Variants in ARHGAP8 observed in about 807,000 individuals in gnomAD.
The protein encoded by ARHGAP8 is Rho GTPase activating protein 8, also known as rho GTPase-activating protein 8.
ARHGAP8 carries 62 observed loss-of-function variants against 46.1 expected under a neutral mutation model. The observed-to-expected ratio is 1.34, with a 90% CI of 1.10 to 1.66. ARHGAP8 has a LOEUF of 1.66. Ranked by LOEUF, ARHGAP8 falls within the 40% of genes most tolerant of loss-of-function variation. The pLI, the probability that ARHGAP8 is intolerant of heterozygous loss-of-function variation, is 0.00. For missense variants in ARHGAP8, 923 were observed against 568.4 expected, an observed-to-expected ratio of 1.62 and a Z score of -6.34; for synonymous variants, 375 against 243.1, an observed-to-expected ratio of 1.54 and a Z score of -5.05.
intron 2 of ARHGAP8, among the ~76,000 whole-genome samples, chr22:44,797,702 C>T: frequency 6.6e-6 from 1 of 152,232 alleles, no homozygotes; most frequent in East Asian, 1.9e-4. Context: ...AAAGACAGCC[C>T]CCTGGCCAGG....
At chr22:44,755,285 GC>G (rs999272773) in intron 1 of ARHGAP8, among the ~76,000 whole-genome samples, 3 of 152,248 alleles carry the variant, frequency 2.0e-5, no homozygotes, top group African/African-American at 7.2e-5. Context: ...ACCTCCCTGG[GC>G]ACTGAGGTGT....
At position 44,768,825 on chromosome 22, in the gene ARHGAP8, T is replaced by C. The variant is rs568345112; in HGVS notation, c.-72+16198T>C. Among the ~76,000 whole-genome samples the C allele has an allele frequency of 1.7e-4, 25 of 150,230 alleles. No homozygotes were observed. In the South Asian group the frequency reaches 5.1e-3, roughly 31 times the overall value. Reference sequence around the variant, plus strand: ...GTGGTGGCTGCCAGAGTCCCTGTCGTGGAGGTGTGTTTTTCTTTTTTTTTT... The same window carrying C: ...GTGGTGGCTGCCAGAGTCCCTGTCGCGGAGGTGTGTTTTTCTTTTTTTTTT... On this transcript the variant is annotated intron_variant, in intron 1 of 11. Transcript: ENST00000356099.
intron 10 of ARHGAP8, among the ~76,000 whole-genome samples, chr22:44,851,670 C>T (rs2070097458): frequency 1.3e-5 from 2 of 152,084 alleles, no homozygotes. Context: ...GAGACCCCAT[C>T]TCTACAAAAG....
At chr22:44,774,843 G>A (rs1050834835) in intron 1 of ARHGAP8, among the ~76,000 whole-genome samples, 10 of 151,346 alleles carry the variant, frequency 6.6e-5, no homozygotes, top group East Asian at 3.9e-4. Context: ...GGGTGGGGGC[G>A]GGGGGCGGAT....
intron 7 of ARHGAP8, among the ~76,000 whole-genome samples, chr22:44,830,990 C>T (rs949070590): frequency 3.3e-5 from 5 of 152,152 alleles, no homozygotes; most frequent in African/African-American, 9.7e-5. Context: ...TGTATATTCA[C>T]TAGATCGTTT....
At chr22:44,829,118 C>CAAAAAAAAA (rs57906111) in intron 7 of ARHGAP8, among the ~76,000 whole-genome samples, 8 of 49,358 alleles carry the variant, frequency 1.6e-4, no homozygotes, top group African/African-American at 3.7e-4. Flanking sequence ...ACTAAAAATA[C>CAAAAAAAAA]AAAAAAAAAA....
chr22:44,852,478 T>C (rs1280632962), intron 10 of ARHGAP8, among the ~76,000 whole-genome samples: 1 of 152,052 alleles, frequency 6.6e-6, no homozygotes, highest in African/African-American at 2.4e-5. Flanking sequence ...CTCAATAACA[T>C]ATTCAGCATG....
intron 3 of ARHGAP8, among the ~76,000 whole-genome samples, chr22:44,806,725 C>A (rs1029607640): frequency 2.0e-5 from 3 of 151,886 alleles, no homozygotes; most frequent in Admixed American, 6.6e-5. Context: ...GAGGCCGAGG[C>A]GGGTGGATCA....
chr22:44,756,026 T>C (rs1177245952), intron 1 of ARHGAP8, among the ~76,000 whole-genome samples: 3 of 152,200 alleles, frequency 2.0e-5, no homozygotes, highest in African/African-American at 4.8e-5. Flanking sequence ...TCTCCTGACC[T>C]TGGGGGAAGA....
intron 10 of ARHGAP8, 158 bp from the exon 11 acceptor site, chr22:44,859,573 G>A: frequency 1.4e-6 from 1 of 704,528 alleles, no homozygotes; most frequent in South Asian, 1.7e-5. Context: ...GCTGAGCAGA[G>A]CCATACGGCC....
At chr22:44,753,704 C>T (rs1002890339) in intron 1 of ARHGAP8, among the ~76,000 whole-genome samples, 2 of 152,028 alleles carry the variant, frequency 1.3e-5, no homozygotes, top group African/African-American at 4.8e-5. Flanking sequence ...GTGAAGGCCC[C>T]GGAGAAGGAA....
chr22:44,810,798 G>A (rs1281472390), intron 4 of ARHGAP8, among the ~76,000 whole-genome samples: 2 of 152,116 alleles, frequency 1.3e-5, no homozygotes, highest in South Asian at 2.1e-4. Flanking sequence ...GGGTTCCCGT[G>A]GGGAGCCGTG....
chr22:44,860,943 A>C (rs532564775), intron 11 of ARHGAP8, among the ~76,000 whole-genome samples: 4 of 151,786 alleles, frequency 2.6e-5, no homozygotes, highest in South Asian at 2.1e-4. Flanking sequence ...TTTTACAACA[A>C]TTTTTTTTCT....
intron 10 of ARHGAP8, among the ~76,000 whole-genome samples, chr22:44,857,551 G>A (rs1252993066): frequency 6.6e-6 from 1 of 152,224 alleles, no homozygotes; most frequent in African/African-American, 2.4e-5. Context: ...CTGATGCCAG[G>A]TTGGAAGAAG....
At chr22:44,822,343 C>T (rs136662) in intron 5 of ARHGAP8, 28 bp from the exon 6 acceptor site, 1,507,678 of 1,573,706 alleles carry the variant, frequency 0.96, 722,608 homozygotes, top group African/African-American at 0.97. Flanking sequence ...CCTAATCGTT[C>T]TTTATTCTCT....
At chr22:44,861,191 T>A (rs1466591648) in intron 11 of ARHGAP8, among the ~76,000 whole-genome samples, 1 of 152,128 alleles carries the variant, frequency 6.6e-6, no homozygotes, top group African/African-American at 2.4e-5. Context: ...AGGCTGATCT[T>A]GAACTCCTGA....
At chr22:44,851,727 C>A (rs1187341636) in intron 10 of ARHGAP8, among the ~76,000 whole-genome samples, 2 of 152,086 alleles carry the variant, frequency 1.3e-5, no homozygotes, top group Non-Finnish European at 2.9e-5. Flanking sequence ...GTAGTCCCAG[C>A]TGCTCAGGAG....
In ARHGAP8 at chr22:44,820,626, C is replaced by G. The variant is rs114505066; in HGVS notation, c.387-1745C>G. 4.1e-3 allele frequency among the ~76,000 whole-genome samples: 623 copies of G among 152,260 alleles called. 3 individuals are homozygous for G. Among genetic ancestry groups the G allele is most frequent in the African/African-American group, 0.013 (558 of 41,552 alleles). On this transcript the variant is annotated intron_variant, in intron 5 of 11. Transcript: ENST00000356099. ...GCACTAAGGCAGGCCCCGCTTTCCT[C>G]CCTCCCCTTGTGCTTGGGGTGAGGG... is the stretch of plus-strand genomic sequence containing the variant.
chr22:44,754,338 T>TTG (rs35257490), intron 1 of ARHGAP8, among the ~76,000 whole-genome samples: 2,036 of 146,604 alleles, frequency 0.014, 20 homozygotes, highest in Middle Eastern at 0.028. Flanking sequence ...CATTGAAACT[T>TTG]TGTGTGTGTG....
Sources: gnomAD v4.1 joint callset for allele counts (sites outside exome capture counted in the v4.1 genomes callset) on GRCh38, gnomAD v4.1.1 for gene constraint, MANE v1.5 for transcripts, NCBI Gene and HGNC (gene_info 2026-07-23, HGNC 2026-07-21) for gene names.